ADAM10: variants seen among roughly 807,000 people sequenced by gnomAD.
The protein encoded by ADAM10 is ADAM metallopeptidase domain 10.
In ADAM10, 17 loss-of-function variants were observed where a neutral mutation model predicts 90.1. The observed-to-expected ratio is 0.19, with a 90% CI of 0.13 to 0.28. The LOEUF is 0.28. ADAM10 is among the 10% of genes least tolerant of loss of function. The pLI is 1.00. For synonymous variants in ADAM10, 310 were observed against 298.6 expected (o/e 1.04, Z -0.40); for missense variants, 610 against 914.3 (o/e 0.67, Z 4.29).
chr15:58,749,506 A>T lies in ADAM10; in HGVS notation c.29T>A (p.Leu10His). The change falls in exon 1 of 16, where the codon CTC becomes CAC. Residue 10 changes from leucine (L) to histidine (H), a missense_variant. By Grantham distance (99) the Leu-to-His change is moderately conservative. This residue lies in a region of ADAM10 where 310 missense variants were observed against 362.4 expected (regional missense o/e 0.86). Coordinates refer to ENST00000260408, the MANE Select transcript of ADAM10 (RefSeq NM_001110.4). MVLLRVLILLLSWAAGMGGQ... is the reference protein window; with the variant it reads MVLLRVLILHLSWAAGMGGQ... ...TCCCATCCCCGCCGCCCAGGAGAGG[A>T]GCAGAATTAACACTCTCAGCAACAC... 1 of 1,553,290 alleles carries T rather than the reference A, an allele frequency of 6.4e-7. No homozygotes were observed. Among genetic ancestry groups the T allele is most frequent in the Admixed American group, 1.9e-5 (1 of 51,686 alleles).
intron 4 of ADAM10, among the ~76,000 whole-genome samples, chr15:58,676,924 C>G (rs138027045): frequency 6.6e-6 from 1 of 152,158 alleles, no homozygotes; most frequent in East Asian, 1.9e-4. Flanking sequence ...AGCTGAGTAG[C>G]TGCAATAAAA....
intron 1 of ADAM10, among the ~76,000 whole-genome samples, chr15:58,727,229 T>C (rs1161852857): frequency 2.1e-5 from 3 of 142,132 alleles, no homozygotes; most frequent in African/African-American, 2.8e-5. Context: ...TTTCGCTCGT[T>C]GCCCAGGCCG....
intron 2 of ADAM10, among the ~76,000 whole-genome samples, chr15:58,697,440 G>A (rs1321011587): frequency 3.3e-5 from 5 of 152,080 alleles, no homozygotes; most frequent in Admixed American, 3.3e-4. Context: ...GTGGGCCTGA[G>A]GACAGGTCTA....
At chr15:58,633,419 T>G in intron 8 of ADAM10, 60 bp from the exon 9 acceptor site, 1 of 1,353,094 alleles carries the variant, frequency 7.4e-7, no homozygotes, top group Non-Finnish European at 1.1e-6. Context: ...CCCAAAAAGG[T>G]AATACATGCT....
intron 5 of ADAM10, among the ~76,000 whole-genome samples, chr15:58,655,652 GCATACATACATACATACATA>G (rs71116584): frequency 1.1e-5 from 1 of 91,130 alleles, no homozygotes; most frequent in Admixed American, 1.5e-4. Context: ...TGATCCCTTT[GCATACATACATACATACATA>G]CATACATATA....
intron 1 of ADAM10, chr15:58,748,836 C>T (rs928819815): frequency 2.5e-6 from 1 of 397,988 alleles, no homozygotes; most frequent in Non-Finnish European, 4.4e-6. Flanking sequence ...CAGGAAGAAC[C>T]GAGGCCACTA....
intron 2 of ADAM10, among the ~76,000 whole-genome samples, chr15:58,701,022 C>CAAAAAAAAAAAAAAAAAAAAAAAAA (rs386383146): frequency 1.4e-5 from 1 of 70,910 alleles, no homozygotes; most frequent in African/African-American, 3.7e-5. Flanking sequence ...AACAAAAAAA[C>CAAAAAAAAAAAAAAAAAAAAAAAAA]AAAAAAAAAA....
In ADAM10 at chr15:58,588,978, A is replaced by T. The variant is rs550120761; in HGVS notation, c.*8569T>A. Reference sequence around the variant, plus strand: ...ACAGTGCATATTAGATTTTGAAAGAAAATTTATCTCCAGGTATGACGGAAG... The same window carrying T: ...ACAGTGCATATTAGATTTTGAAAGATAATTTATCTCCAGGTATGACGGAAG... On this transcript the variant is annotated 3_prime_UTR_variant, in exon 16 of 16. Coordinates refer to ENST00000260408, the MANE Select transcript of ADAM10 (RefSeq NM_001110.4). The T allele has an allele frequency of 6.6e-6, 1 of 152,360 alleles. No individual in the cohort carries two copies. The highest frequency in any genetic ancestry group is 1.9e-4 in the East Asian group (1 of 5,194). The allele number at this position is 152,360 out of a possible 1,614,324, so 9.4% of individuals were successfully genotyped here. A position where few individuals can be genotyped will look rare whatever the true frequency, so the allele number is the denominator to read the frequency against.
chr15:58,604,306 A>T (rs1396148534), intron 14 of ADAM10, among the ~76,000 whole-genome samples: 1 of 152,178 alleles, frequency 6.6e-6, no homozygotes, highest in Non-Finnish European at 1.5e-5. Flanking sequence ...GGTTGCAGTG[A>T]GCCGAGATTA....
chr15:58,677,514 A>T (rs940186519), intron 4 of ADAM10, among the ~76,000 whole-genome samples: 1 of 152,182 alleles, frequency 6.6e-6, no homozygotes, highest in Non-Finnish European at 1.5e-5. Flanking sequence ...TTATATTACA[A>T]GAAAGAAAGA....
intron 3 of ADAM10, among the ~76,000 whole-genome samples, chr15:58,680,860 C>G (rs538232642): frequency 1.0e-3 from 154 of 152,112 alleles, no homozygotes; most frequent in Non-Finnish European, 1.9e-3. Flanking sequence ...TCTCTGTCCC[C>G]CAGGCTATAG....
At chr15:58,598,625 G>C (rs546531195) in intron 15 of ADAM10, among the ~76,000 whole-genome samples, 3 of 152,324 alleles carry the variant, frequency 2.0e-5, no homozygotes, top group African/African-American at 7.2e-5. Flanking sequence ...GCAGGAGAGG[G>C]AACTGCTGTC....
intron 7 of ADAM10, among the ~76,000 whole-genome samples, chr15:58,641,981 A>C (rs1351454375): frequency 2.0e-5 from 3 of 152,194 alleles, no homozygotes; most frequent in Non-Finnish European, 4.4e-5. Flanking sequence ...CAGATTTCAG[A>C]ACATCTGGTT....
At chr15:58,674,785 T>C (rs1295728720) in intron 4 of ADAM10, among the ~76,000 whole-genome samples, 1 of 152,204 alleles carries the variant, frequency 6.6e-6, no homozygotes, top group East Asian at 1.9e-4. Flanking sequence ...TCTTAATTTT[T>C]CAGAACAAGA....
At position 58,633,279 on chromosome 15, in the gene ADAM10, C is replaced by A; in HGVS notation, c.1093G>T (p.Val365Phe). 1 of 1,613,094 alleles carries A rather than the reference C, an allele frequency of 6.2e-7. No homozygotes were observed. Among genetic ancestry groups the A allele is most frequent in the Non-Finnish European group, 8.5e-7 (1 of 1,179,184 alleles). ...GGTACATGAGACCCATAGTTCTGAA[C>A]AGTAATAATTCCAGTGTTTAAGGAC... ...KKSLNTGIIT[V>F]QNYGSHVPPK... Residue 365 changes from valine (V) to phenylalanine (F), a missense_variant, in exon 9 of 16, where the codon GTT becomes TTT. By Grantham distance (50) the Val-to-Phe change is conservative. Coordinates refer to ENST00000260408, the MANE Select transcript of ADAM10 (RefSeq NM_001110.4).
At chr15:58,633,080 A>G (rs1823286082) in intron 9 of ADAM10, 116 bp downstream of exon 9, 5 of 1,015,896 alleles carry the variant, frequency 4.9e-6, no homozygotes, top group Non-Finnish European at 7.4e-6. Context: ...GTGCTCTGAC[A>G]TAAAAACTAA....
At chr15:58,732,757 G>A (rs1899297047) in intron 1 of ADAM10, 1 of 152,080 alleles carries the variant, frequency 6.6e-6, no homozygotes, top group East Asian at 1.9e-4. Flanking sequence ...TCCTTTATTA[G>A]AAGATCCTAT....
chr15:58,651,678 G>T (rs1381269839), intron 5 of ADAM10, among the ~76,000 whole-genome samples: 1 of 152,190 alleles, frequency 6.6e-6, no homozygotes, highest in Admixed American at 6.5e-5. Context: ...CACTTAGGCT[G>T]CTTCCAAATC....
chr15:58,727,176 CTTTTTTTTTTTT>C lies in ADAM10; in HGVS notation c.56-9461_56-9450del, dbSNP rs779017607. ...CACCACCATGCCATGCCTGACTAATCTTTTTTTTTTTTTTTTTTTTTTTTTTTTTCCCAAAAA... is the reference window on the plus strand; with the variant it reads ...CACCACCATGCCATGCCTGACTAATCTTTTTTTTTTTTTTTTTCCCAAAAA... On this transcript the variant is annotated intron_variant, in intron 1 of 15. Transcript: ENST00000260408. Among the ~76,000 whole-genome samples the C allele has an allele frequency of 6.5e-4, 51 of 78,018 alleles. 1 individual carries two copies. The highest frequency in any genetic ancestry group is 2.1e-3 in the African/African-American group (38 of 18,474). The allele number at this position is 78,018 out of a possible 152,430, so 51.2% of individuals were successfully genotyped here. A position where few individuals can be genotyped will look rare whatever the true frequency, so the allele number is the denominator to read the frequency against.
Sources: gnomAD v4.1 joint callset for allele counts (sites outside exome capture counted in the v4.1 genomes callset) on GRCh38, gnomAD v4.1.1 for gene constraint, gnomAD v4.1.1 regional missense constraint, MANE v1.5 for transcripts, NCBI Gene and HGNC (gene_info 2026-07-23, HGNC 2026-07-21) for gene names.